The following ZNF469 variants were observed in gnomAD, a reference collection of about 807,000 sequenced individuals.
ZNF469 encodes the protein zinc finger protein 469.
In ZNF469, 1 loss-of-function variant was observed where a neutral mutation model predicts 1.0. That is an observed-to-expected ratio of 1.00 (90% CI 0.35 to 4.73). The LOEUF (loss-of-function observed/expected upper bound fraction) is 4.73. ZNF469 is among the 30% of genes most tolerant of loss of function. The pLI, the probability that ZNF469 is intolerant of heterozygous loss-of-function variation, is 0.16. For missense variants in ZNF469, 6,100 were observed against 5,356.3 expected, an observed-to-expected ratio of 1.14 and a Z score of -4.33; for synonymous variants, 2,703 against 2,363.4, an observed-to-expected ratio of 1.14 and a Z score of -4.17.
chr16:88,101,504 C>T, the ZNF469 span, among the ~76,000 whole-genome samples: 1 of 150,606 alleles, frequency 6.6e-6, no homozygotes, highest in Non-Finnish European at 1.5e-5. Flanking sequence ...TGGACAGACT[C>T]AATTAGCTAA....
chr16:88,301,811 A>G, the ZNF469 span, among the ~76,000 whole-genome samples: 1 of 150,286 alleles, frequency 6.7e-6, no homozygotes, highest in African/African-American at 2.5e-5. Flanking sequence ...TGCCCCTGCC[A>G]CCTGAGCCCC....
the ZNF469 span, among the ~76,000 whole-genome samples, chr16:88,155,132 G>A: frequency 1.3e-5 from 2 of 152,220 alleles, no homozygotes; most frequent in African/African-American, 4.8e-5. Flanking sequence ...GCTGGCACAG[G>A]TGAGGAGATG....
the ZNF469 span, among the ~76,000 whole-genome samples, chr16:88,222,662 C>T: frequency 6.6e-6 from 1 of 152,002 alleles, no homozygotes; most frequent in Non-Finnish European, 1.5e-5. Flanking sequence ...GAGGCTGAGG[C>T]AGGAGAATCG....
the ZNF469 span, among the ~76,000 whole-genome samples, chr16:88,346,550 G>C: frequency 6.6e-6 from 1 of 152,196 alleles, no homozygotes; most frequent in Non-Finnish European, 1.5e-5. Flanking sequence ...ACAGGGTCTC[G>C]CGCTGTTGCC....
At position 88,430,415 on chromosome 16, in the gene ZNF469, G is replaced by A. The variant is rs558361075; in HGVS notation, c.2945G>A (p.Arg982Lys). The A allele has an allele frequency of 2.3e-4, 355 of 1,520,742 alleles. 7 individuals are homozygous for A. The South Asian group carries it at 3.9e-3, about 17-fold the overall frequency. 94.2% of individuals were successfully genotyped at this position (1,520,742 alleles called of 1,614,324 possible). A position where few individuals can be genotyped will look rare whatever the true frequency, so the allele number is the denominator to read the frequency against. Residue 982 changes from arginine to lysine, a missense_variant, in exon 3 of 3, where the codon AGG (arginine) becomes AAG (lysine). By Grantham distance (26) the Arg-to-Lys change is conservative. Coordinates refer to ENST00000565624, the MANE Select transcript of ZNF469 (RefSeq NM_001367624.2). ...AGAGCCTCCGGCCTGAGGCCCCGGAGGAACGACGGTCTCGGGGAGCGGCCC... is the reference window on the plus strand; with the variant it reads ...AGAGCCTCCGGCCTGAGGCCCCGGAAGAACGACGGTCTCGGGGAGCGGCCC... ...GGRASGLRPR[R>K]NDGLGERPPP...
the ZNF469 span, among the ~76,000 whole-genome samples, chr16:88,282,888 C>T: frequency 1.3e-3 from 200 of 152,260 alleles, 2 homozygotes; most frequent in African/African-American, 4.7e-3. Flanking sequence ...GGGAGTGCAG[C>T]ATTCTGGGAG....
chr16:88,247,597 C>CT, the ZNF469 span, among the ~76,000 whole-genome samples: 2 of 135,952 alleles, frequency 1.5e-5, no homozygotes, highest in Admixed American at 7.3e-5. Context: ...ACTGAGTGAA[C>CT]GAGTGAGTGA....
At chr16:88,337,881 C>T in the ZNF469 span, among the ~76,000 whole-genome samples, 138 of 152,288 alleles carry the variant, frequency 9.1e-4, 2 homozygotes, top group Non-Finnish European at 3.8e-4. Context: ...ATATGCTGGA[C>T]GCTAAACCCT....
Position 88,437,521 on chromosome 16 carries a change from A to C in ZNF469, c.10051A>C (p.Lys3351Gln). The C allele has an allele frequency of 3.2e-6, 5 of 1,542,380 alleles. No homozygotes were observed. The highest frequency in any genetic ancestry group is 4.4e-6 in the Non-Finnish European group (5 of 1,141,630). ...CGGGAAGCGCTTCCCCAAGCCCTTC[A>C]AGCTGCAGCGCCACCTGGCGGTGCA... The part of the protein sequence containing the change: ...HCGKRFPKPF[K>Q]LQRHLAVHSP... The change falls in exon 3 of 3, where the codon AAG (lysine) becomes CAG (glutamine). Residue 3351 changes from lysine (K) to glutamine (Q), a missense_variant. Lys to Gln is a moderately conservative substitution (Grantham distance 53, BLOSUM62 1). Transcript: ENST00000565624.
the ZNF469 span, among the ~76,000 whole-genome samples, chr16:88,113,133 G>T: frequency 6.6e-6 from 1 of 152,168 alleles, no homozygotes; most frequent in African/African-American, 2.4e-5. Flanking sequence ...GTTTGCCTTG[G>T]TTGCCTGTGC....
chr16:88,390,465 G>T (rs2142264414), intron 1 of ZNF469, among the ~76,000 whole-genome samples: 1 of 152,304 alleles, frequency 6.6e-6, no homozygotes, highest in South Asian at 2.1e-4. Flanking sequence ...AGCCAAACAG[G>T]AGGCGGCCGC....
chr16:88,247,600 G>A, the ZNF469 span, among the ~76,000 whole-genome samples: 20 of 94,194 alleles, frequency 2.1e-4, no homozygotes, highest in African/African-American at 8.4e-4. Context: ...GAGTGAACGA[G>A]TGAGTGAGTG....
At chr16:88,317,741 T>A in the ZNF469 span, among the ~76,000 whole-genome samples, 1 of 152,226 alleles carries the variant, frequency 6.6e-6, no homozygotes, top group East Asian at 1.9e-4. Context: ...CGCCTTTCCC[T>A]TGACCGTGAC....
At chr16:88,388,178 G>C (rs1324066258) in intron 1 of ZNF469, among the ~76,000 whole-genome samples, 1 of 152,244 alleles carries the variant, frequency 6.6e-6, no homozygotes, top group African/African-American at 2.4e-5. Context: ...TGTGAACTCA[G>C]CAGCCCCGGC....
the ZNF469 span, among the ~76,000 whole-genome samples, chr16:88,305,473 C>G: frequency 6.6e-6 from 1 of 150,710 alleles, no homozygotes; most frequent in Non-Finnish European, 1.5e-5. Context: ...CACACCCTCA[C>G]ACGTGCACAC....
intron 1 of ZNF469, among the ~76,000 whole-genome samples, chr16:88,421,823 T>A (rs114679653): frequency 6.6e-6 from 1 of 152,236 alleles, no homozygotes; most frequent in African/African-American, 2.4e-5. Flanking sequence ...ACACCACCTC[T>A]CTGGGCTGCA....
the ZNF469 span, among the ~76,000 whole-genome samples, chr16:88,213,034 G>T: frequency 2.0e-5 from 3 of 151,882 alleles, no homozygotes; most frequent in African/African-American, 4.8e-5. Context: ...GTTTTCTTCT[G>T]CTTTGTGTTG....
chr16:88,379,478 T>C (rs554592369), upstream of ZNF469, among the ~76,000 whole-genome samples: 1 of 151,892 alleles, frequency 6.6e-6, no homozygotes, highest in South Asian at 2.1e-4. Context: ...CTTTGAGGGC[T>C]ATGAAGAGGG....
the ZNF469 span, among the ~76,000 whole-genome samples, chr16:88,181,069 C>T: frequency 7.3e-6 from 1 of 137,160 alleles, no homozygotes; most frequent in East Asian, 2.4e-4. Flanking sequence ...TAGCAGAATA[C>T]ACACTTTTTT....
Sources: allele counts gnomAD v4.1 joint callset (sites outside exome capture counted in the v4.1 genomes callset), GRCh38; gene constraint gnomAD v4.1.1; transcripts MANE v1.5; gene names NCBI Gene and HGNC (gene_info 2026-07-23, HGNC 2026-07-21).